The following ERBIN variants were observed in gnomAD, a reference collection of about 807,000 sequenced individuals.
ERBIN encodes densin-180-like protein.
A neutral mutation model predicts 158.4 loss-of-function variants in ERBIN; 60 were observed. The ratio of observed to expected loss-of-function variants is 0.38; its 90% CI spans 0.31 to 0.47. The LOEUF (loss-of-function observed/expected upper bound fraction) is 0.47. Among genes scored for constraint, ERBIN ranks in the 20% least tolerant of loss-of-function variants. ERBIN has a pLI of 0.99. For synonymous variants in ERBIN, 594 were observed against 557.2 expected, an observed-to-expected ratio of 1.07 and a Z score of -0.93; for missense variants, 1,610 against 1,648.0, an observed-to-expected ratio of 0.98 and a Z score of 0.40.
intron 24 of ERBIN, 28 bp from the exon 25 acceptor site, chr5:66,076,847 A>T: frequency 6.6e-7 from 1 of 1,514,020 alleles, no homozygotes; most frequent in Non-Finnish European, 9.1e-7. Flanking sequence ...TACTGTTTTT[A>T]GTTAAATAAT....
At chr5:66,032,143 AG>A (rs1457084839) in intron 14 of ERBIN, among the ~76,000 whole-genome samples, 2 of 152,218 alleles carry the variant, frequency 1.3e-5, no homozygotes, top group African/African-American at 4.8e-5. Context: ...AGAGTGTAAC[AG>A]TGAGACGGAA....
intron 21 of ERBIN, chr5:66,068,744 C>G (rs1036861506): frequency 8.1e-5 from 57 of 704,286 alleles, no homozygotes; most frequent in Non-Finnish European, 1.2e-4. Context: ...ATTTCTTTCA[C>G]TAATGAAAAT....
intron 12 of ERBIN, 69 bp downstream of exon 12, chr5:66,026,046 T>TGA: frequency 7.9e-7 from 1 of 1,272,354 alleles, no homozygotes. Flanking sequence ...ATTATAGCTA[T>TGA]TTAGTGTGGC....
intron 9 of ERBIN, 49 bp from the exon 10 acceptor site, chr5:66,024,257 A>G: frequency 7.9e-7 from 1 of 1,263,202 alleles, no homozygotes; most frequent in Non-Finnish European, 1.1e-6. Flanking sequence ...AACTTTTTAC[A>G]AATTACTAAT....
intron 19 of ERBIN, 64 bp from the exon 20 acceptor site, chr5:66,050,719 C>G: frequency 9.2e-7 from 1 of 1,091,888 alleles, no homozygotes; most frequent in Non-Finnish European, 1.3e-6. Flanking sequence ...TTTGTCATCA[C>G]TGAAAAGAAT....
chr5:66,072,372 T>C, intron 22 of ERBIN, 81 bp downstream of exon 22: 1 of 1,366,852 alleles, frequency 7.3e-7, no homozygotes, highest in Non-Finnish European at 9.6e-7. Context: ...TATATGTGCT[T>C]TAGATGAAAA....
chr5:66,077,358 A>G (rs1323281485), intron 25 of ERBIN, among the ~76,000 whole-genome samples: 1 of 152,016 alleles, frequency 6.6e-6, no homozygotes, highest in African/African-American at 2.4e-5. Flanking sequence ...TACTCATTTT[A>G]CCTAAACACT....
At chr5:66,011,687 A>C (rs1283555250) in intron 4 of ERBIN, among the ~76,000 whole-genome samples, 5 of 152,014 alleles carry the variant, frequency 3.3e-5, no homozygotes, top group African/African-American at 1.2e-4. Context: ...ACTCCCTCTT[A>C]AAAACAAATA....
intron 7 of ERBIN, among the ~76,000 whole-genome samples, chr5:66,017,204 A>G (rs144601882): frequency 1.4e-4 from 22 of 152,250 alleles, no homozygotes; most frequent in African/African-American, 5.1e-4. Flanking sequence ...TTTTGTATAT[A>G]TACCCAATAG....
At chr5:65,998,994 C>G (rs1333392152) in intron 4 of ERBIN, among the ~76,000 whole-genome samples, 2 of 150,708 alleles carry the variant, frequency 1.3e-5, no homozygotes, top group Non-Finnish European at 2.9e-5. Context: ...CATTTTGTTA[C>G]ATTTGTCTTA....
intron 1 of ERBIN, among the ~76,000 whole-genome samples, chr5:65,969,837 A>G (rs1023801887): frequency 2.5e-4 from 38 of 152,298 alleles, no homozygotes; most frequent in East Asian, 1.4e-3. Flanking sequence ...AAATTGTTCA[A>G]ATATCTTAGC....
At chr5:66,056,141 C>A (rs1759552567) in intron 21 of ERBIN, among the ~76,000 whole-genome samples, 1 of 152,052 alleles carries the variant, frequency 6.6e-6, no homozygotes, top group Non-Finnish European at 1.5e-5. Context: ...AGGCTGTAGT[C>A]AAAGAGATTG....
chr5:65,994,526 A>C (rs975282093), intron 3 of ERBIN, among the ~76,000 whole-genome samples: 4 of 152,174 alleles, frequency 2.6e-5, no homozygotes, highest in African/African-American at 9.7e-5. Flanking sequence ...ATTCTCACTA[A>C]GTGCATTTTA....
chr5:66,044,174 A>G lies in ERBIN; in HGVS notation c.1466A>G (p.Asp489Gly). ...AAAAGATATCCAACACCATACCCAG[A>G]TGAGCTTAAGAATATGGTCAAAACT... ...NLKRYPTPYP[D>G]ELKNMVKTVQ... Residue 489 changes from aspartate (D) to glycine (G), a missense_variant, in exon 17 of 26, where the codon GAT becomes GGT. This residue lies in a region of ERBIN where 596 missense variants were observed against 711.9 expected (regional missense o/e 0.84). Transcript: ENST00000284037. The G allele has an allele frequency of 6.3e-7, 1 of 1,592,100 alleles. No homozygotes were observed. Among genetic ancestry groups the G allele is most frequent in the Non-Finnish European group, 8.5e-7 (1 of 1,173,072 alleles).
In ERBIN at chr5:66,053,882, A is replaced by T. The variant is rs1759307889; in HGVS notation, c.2564A>T (p.Asp855Val). Residue 855 changes from aspartate (D) to valine (V), a missense_variant, in exon 21 of 26, where the codon GAT (aspartate) becomes GTT (valine). Coordinates refer to ENST00000284037, the MANE Select transcript of ERBIN (RefSeq NM_001253697.2). ...TTAGGTATTTCCAAAAGCACTGAAG[A>T]TCTCTCCCCTCAGAAAAGTGGTCCA... is the stretch of plus-strand genomic sequence containing the variant. ...VDLGISKSTE[D>V]LSPQKSGPVG... The T allele has an allele frequency of 6.8e-6, 11 of 1,614,030 alleles. No individual in the cohort carries two copies. The highest frequency in any genetic ancestry group is 9.3e-6 in the Non-Finnish European group (11 of 1,180,024).
At chr5:66,076,073 CATA>C (rs1761962208) in intron 23 of ERBIN, 1 of 464,560 alleles carries the variant, frequency 2.2e-6, no homozygotes, top group Admixed American at 4.1e-5. Context: ...TCCTTATCCT[CATA>C]AGACAAGCAA....
intron 15 of ERBIN, among the ~76,000 whole-genome samples, chr5:66,039,932 A>G (rs60315640): frequency 0.021 from 3,153 of 152,026 alleles, 116 homozygotes; most frequent in African/African-American, 0.07. Flanking sequence ...TACCCATGAA[A>G]TAATAACTTA....
At chr5:66,068,381 G>A (rs529125946) in intron 21 of ERBIN, among the ~76,000 whole-genome samples, 4 of 151,878 alleles carry the variant, frequency 2.6e-5, no homozygotes, top group African/African-American at 4.8e-5. Flanking sequence ...TTTGTGTTAT[G>A]TATATTTAAA....
chr5:65,956,924 C>G (rs557445298), intron 1 of ERBIN, among the ~76,000 whole-genome samples: 1 of 152,282 alleles, frequency 6.6e-6, no homozygotes, highest in East Asian at 1.9e-4. Flanking sequence ...GTTGGGATTA[C>G]AGGTGTGAGC....
Sources: allele counts gnomAD v4.1 joint callset (sites outside exome capture counted in the v4.1 genomes callset), GRCh38; gene constraint gnomAD v4.1.1; regional missense constraint gnomAD v4.1.1; transcripts MANE v1.5; gene names NCBI Gene and HGNC (gene_info 2026-07-23, HGNC 2026-07-21).